DYNC1I1: variants seen among roughly 807,000 people sequenced by gnomAD.
The protein encoded by DYNC1I1 is cytoplasmic dynein 1 intermediate chain 1.
In DYNC1I1, 43 loss-of-function variants were observed where a neutral mutation model predicts 86.6. The observed-to-expected ratio is 0.50, with a 90% CI of 0.39 to 0.64. The LOEUF (loss-of-function observed/expected upper bound fraction) is 0.64. Ranked by LOEUF, DYNC1I1 falls within the 30% of genes least tolerant of loss-of-function variation. The pLI is 0.00. For missense variants in DYNC1I1, 604 were observed against 788.8 expected, an observed-to-expected ratio of 0.77 and a Z score of 2.81; for synonymous variants, 262 against 283.7, an observed-to-expected ratio of 0.92 and a Z score of 0.77.
rs1342215721 is a variant in DYNC1I1, at chr7:96,093,435, T to C, written c.1777-4048T>C. Among the ~76,000 whole-genome samples, 4 of 152,204 alleles carry C rather than the reference T, an allele frequency of 2.6e-5. No homozygotes were observed. The East Asian group carries it at 7.7e-4, about 29-fold the overall frequency. On this transcript the variant is annotated intron_variant, in intron 16 of 16. Transcript: ENST00000447467. Reference sequence around the variant, plus strand: ...ATGTCCAAATTGCTACCTCAGTAACTACCTTTGCCCTTAGTTTCATTGGCT... The same window carrying C: ...ATGTCCAAATTGCTACCTCAGTAACCACCTTTGCCCTTAGTTTCATTGGCT...
At chr7:95,964,247 C>T (rs186175660) in intron 6 of DYNC1I1, among the ~76,000 whole-genome samples, 59 of 152,206 alleles carry the variant, frequency 3.9e-4, no homozygotes, top group Admixed American at 5.2e-4. Context: ...AAAAGCACTC[C>T]GAAGATCTTA....
intron 9 of DYNC1I1, 122 bp downstream of exon 9, chr7:95,987,277 C>T: frequency 1.2e-6 from 1 of 827,552 alleles, no homozygotes; most frequent in Non-Finnish European, 1.9e-6. Flanking sequence ...TTTTTTTCCC[C>T]TCATTTTATT....
chr7:95,991,133 G>C (rs2115726888), intron 9 of DYNC1I1, among the ~76,000 whole-genome samples: 1 of 152,346 alleles, frequency 6.6e-6, no homozygotes, highest in African/African-American at 2.4e-5. Flanking sequence ...ATAGTAGTGA[G>C]AAGAGCAGTA....
chr7:95,944,191 A>C (rs190446703), intron 6 of DYNC1I1, among the ~76,000 whole-genome samples: 2,318 of 152,330 alleles, frequency 0.015, 67 homozygotes, highest in African/African-American at 0.052. Context: ...AAAAACAAAC[A>C]ACTCCATCAA....
intron 1 of DYNC1I1, among the ~76,000 whole-genome samples, chr7:95,801,282 T>G (rs1794571826): frequency 6.6e-6 from 1 of 152,216 alleles, no homozygotes; most frequent in Non-Finnish European, 1.5e-5. Flanking sequence ...TTTAAAATAT[T>G]GACTCTCCGG....
chr7:95,785,722 T>G (rs1794113942), intron 1 of DYNC1I1, among the ~76,000 whole-genome samples: 1 of 146,654 alleles, frequency 6.8e-6, no homozygotes, highest in South Asian at 2.1e-4. Flanking sequence ...GTTGTATATA[T>G]ATGTGTGTGT....
intron 10 of DYNC1I1, among the ~76,000 whole-genome samples, chr7:96,001,813 AG>A (rs1794018215): frequency 6.6e-6 from 1 of 152,038 alleles, no homozygotes; most frequent in Admixed American, 6.6e-5. Flanking sequence ...TTCCAAATAC[AG>A]TCACATTGAG....
At chr7:96,053,097 T>G (rs1485579258) in intron 14 of DYNC1I1, among the ~76,000 whole-genome samples, 1 of 152,190 alleles carries the variant, frequency 6.6e-6, no homozygotes, top group East Asian at 1.9e-4. Flanking sequence ...CAATTCCACC[T>G]CATAAAATGA....
chr7:96,067,053 A>G (rs1438141107), intron 14 of DYNC1I1, among the ~76,000 whole-genome samples: 1 of 152,198 alleles, frequency 6.6e-6, no homozygotes, highest in Non-Finnish European at 1.5e-5. Context: ...TATTTCTGCT[A>G]ACGGCAGGAG....
At chr7:96,101,452 A>G (rs972327285), downstream of DYNC1I1, among the ~76,000 whole-genome samples, 5 of 152,292 alleles carry the variant, frequency 3.3e-5, no homozygotes, top group African/African-American at 1.2e-4. Context: ...CACTGCAAAC[A>G]TCTATTGTGA....
intron 16 of DYNC1I1, among the ~76,000 whole-genome samples, chr7:96,108,368 A>ACTTTT (rs1187753181): frequency 2.2e-4 from 34 of 152,048 alleles, no homozygotes; most frequent in African/African-American, 8.0e-4. Flanking sequence ...CTGCAAAGGG[A>ACTTTT]TATTGTTTTA....
chr7:96,063,643 G>T (rs760632264), intron 14 of DYNC1I1, among the ~76,000 whole-genome samples: 2 of 152,070 alleles, frequency 1.3e-5, no homozygotes, highest in African/African-American at 2.4e-5. Context: ...AGTCATACTG[G>T]ATTACAGCCC....
At chr7:95,868,433 G>T (rs1451201458) in intron 5 of DYNC1I1, among the ~76,000 whole-genome samples, 1 of 151,924 alleles carries the variant, frequency 6.6e-6, no homozygotes, top group Non-Finnish European at 1.5e-5. Flanking sequence ...ATAATTTAAA[G>T]AAAAAGAAAT....
intron 14 of DYNC1I1, among the ~76,000 whole-genome samples, chr7:96,041,282 T>A (rs1212759556): frequency 6.6e-6 from 1 of 152,188 alleles, no homozygotes; most frequent in East Asian, 1.9e-4. Flanking sequence ...GAGAAACATA[T>A]TTCCAACTAT....
intron 1 of DYNC1I1, among the ~76,000 whole-genome samples, chr7:95,801,883 C>A (rs1450448294): frequency 1.3e-5 from 2 of 152,162 alleles, no homozygotes; most frequent in Admixed American, 6.5e-5. Context: ...ATCAGAAGAT[C>A]TAACTTCATA....
intron 11 of DYNC1I1, among the ~76,000 whole-genome samples, 153 bp from the exon 12 acceptor site, chr7:96,032,514 G>T (rs184765097): frequency 4.6e-4 from 70 of 152,252 alleles, no homozygotes; most frequent in Non-Finnish European, 9.4e-4. Flanking sequence ...AAGAAATCAG[G>T]TTCAAATCAA....
Position 95,958,696 on chromosome 7 carries a change from T to C in DYNC1I1, c.491-18816T>C, listed in dbSNP as rs538385797. 3.9e-5 allele frequency among the ~76,000 whole-genome samples: 6 copies of C among 152,356 alleles called. No homozygotes were observed. The South Asian group carries it at 1.2e-3, about 32-fold the overall frequency. On this transcript the variant is annotated intron_variant, in intron 6 of 16. Coordinates refer to ENST00000447467, the MANE Select transcript of DYNC1I1 (RefSeq NM_001135556.2). ...AAAATTGTATCTCTAAACATGAATT[T>C]TCTAAGCTAATTGACAAATTTTTGC... is the stretch of plus-strand genomic sequence containing the variant.
At chr7:95,803,196 A>G (rs1039963149) in intron 1 of DYNC1I1, among the ~76,000 whole-genome samples, 10 of 152,222 alleles carry the variant, frequency 6.6e-5, no homozygotes, top group Non-Finnish European at 1.3e-4. Context: ...GATTGATATG[A>G]TTACATGTGA....
At chr7:95,899,207 G>T (rs1790969946) in intron 6 of DYNC1I1, among the ~76,000 whole-genome samples, 1 of 152,152 alleles carries the variant, frequency 6.6e-6, no homozygotes, top group Non-Finnish European at 1.5e-5. Flanking sequence ...AAGCCCTGTA[G>T]AATTGTAAAA....
Sources: gnomAD v4.1 joint callset for allele counts (sites outside exome capture counted in the v4.1 genomes callset) on GRCh38, gnomAD v4.1.1 for gene constraint, MANE v1.5 for transcripts, NCBI Gene and HGNC (gene_info 2026-07-23, HGNC 2026-07-21) for gene names.